TPPP2: variants seen among roughly 807,000 people sequenced by gnomAD.
The protein encoded by TPPP2 is tubulin polymerization promoting protein family member 2.
In TPPP2, 8 loss-of-function variants were observed where a neutral mutation model predicts 13.0. The observed-to-expected ratio is 0.62, with a 90% CI of 0.36 to 1.11. The LOEUF (loss-of-function observed/expected upper bound fraction) is 1.11, where lower values mean the gene tolerates loss of function less well. TPPP2 is among the 50% of genes most tolerant of loss of function. TPPP2 has a pLI of 0.02. For synonymous variants in TPPP2, 81 were observed against 81.8 expected (o/e 0.99, Z 0.05); for missense variants, 213 against 216.9 (o/e 0.98, Z 0.11).
At chr14:21,035,430 C>G (rs906793981), downstream of TPPP2, among the ~76,000 whole-genome samples, 1 of 152,214 alleles carries the variant, frequency 6.6e-6, no homozygotes, top group Non-Finnish European at 1.5e-5. Flanking sequence ...TCTTTTTCAT[C>G]AACATCTTCC....
chr14:21,030,964 T>C, intron 2 of TPPP2, 48 bp from the exon 3 acceptor site: 1 of 1,569,608 alleles, frequency 6.4e-7, no homozygotes, highest in Non-Finnish European at 8.6e-7. Flanking sequence ...CCTTGGAAGG[T>C]AATGCATTCA....
chr14:21,034,122 A>C, downstream of TPPP2: 1 of 1,614,242 alleles, frequency 6.2e-7, no homozygotes, highest in Non-Finnish European at 8.5e-7. Flanking sequence ...CATATAGGAC[A>C]TCAGACCATT....
chr14:21,032,196 AT>A lies in TPPP2; in HGVS notation c.*120del. 3.8e-6 allele frequency: 4 copies of A among 1,050,630 alleles called. No homozygotes were observed. Among genetic ancestry groups the A allele is most frequent in the Non-Finnish European group, 5.8e-6 (4 of 688,476 alleles). 65.1% of individuals were successfully genotyped at this position (1,050,630 alleles called of 1,614,324 possible). On this transcript the variant is annotated 3_prime_UTR_variant, in exon 4 of 4. Coordinates refer to ENST00000321760, the MANE Select transcript of TPPP2 (RefSeq NM_173846.5). ...CAAAATCTCTGTCTGTGAGGGACAG[AT>A]GAGCCTACTAGTGTAGAGAGAGGGA...
At chr14:21,029,599 AAAATAAATACGC>A (rs1406194093), upstream of TPPP2, among the ~76,000 whole-genome samples, 2 of 152,230 alleles carry the variant, frequency 1.3e-5, no homozygotes, top group African/African-American at 4.8e-5. Context: ...ACTCCATCTC[AAAATAAATACGC>A]AAATAAATAA....
At chr14:21,035,917 C>A, downstream of TPPP2, 1 of 441,978 alleles carries the variant, frequency 2.3e-6, no homozygotes. Flanking sequence ...TGAAACAGAC[C>A]AGGAATTGAA....
downstream of TPPP2, among the ~76,000 whole-genome samples, chr14:21,035,632 C>T (rs1566491837): frequency 6.6e-6 from 1 of 152,088 alleles, no homozygotes; most frequent in Non-Finnish European, 1.5e-5. Flanking sequence ...GCTCCAACAC[C>T]CTCAGTATAG....
upstream of TPPP2, chr14:21,029,119 G>A (rs1017074223): frequency 6.6e-6 from 1 of 152,152 alleles, no homozygotes; most frequent in East Asian, 1.9e-4. Flanking sequence ...ATACTCCAAG[G>A]CTTGCTGGGC....
downstream of TPPP2, among the ~76,000 whole-genome samples, chr14:21,035,140 G>T (rs898092799): frequency 1.3e-5 from 2 of 152,220 alleles, no homozygotes; most frequent in African/African-American, 4.8e-5. Flanking sequence ...AAAGTGCTGG[G>T]CTGAGAATCA....
chr14:21,031,520 C>G (rs561582057), intron 3 of TPPP2, among the ~76,000 whole-genome samples: 1 of 152,214 alleles, frequency 6.6e-6, no homozygotes, highest in African/African-American at 2.4e-5. Flanking sequence ...TCCTGCCTCT[C>G]ACCTACTCCC....
Position 21,031,021 on chromosome 14 carries a change from C to G in TPPP2, c.183C>G (p.Asn61Lys). The G allele has an allele frequency of 6.2e-7, 1 of 1,608,264 alleles. No individual in the cohort carries two copies. The highest frequency in any genetic ancestry group is 8.5e-7 in the Non-Finnish European group (1 of 1,177,546). The change falls in exon 3 of 4, where the codon AAC (asparagine) becomes AAG (lysine). Residue 61 changes from asparagine (N) to lysine (K), a missense_variant. Coordinates refer to ENST00000321760, the MANE Select transcript of TPPP2 (RefSeq NM_173846.5). The part of the protein sequence containing the change: ...DIVFSKVKAK[N>K]ARTITFQQFK... Reference sequence around the variant, plus strand: ...CTGTCTAACTGACCAGGGCCAAGAACGCCCGAACCATCACGTTTCAACAGT... The same window carrying G: ...CTGTCTAACTGACCAGGGCCAAGAAGGCCCGAACCATCACGTTTCAACAGT...
In TPPP2 at chr14:21,031,150, C is replaced by T; in HGVS notation, c.312C>T (p.Ala104=). ...IYGLMEGKDP[A]TTGATKATTV... ...GACTCATGGAGGGCAAAGACCCAGC[C>T]ACCACTGGCGCTACTGTGAGTGACA... Residue 104 remains alanine (A), a synonymous_variant, in exon 3 of 4, where the codon GCC becomes GCT. Coordinates refer to ENST00000321760, the MANE Select transcript of TPPP2 (RefSeq NM_173846.5). 1 of 1,613,812 alleles carries T rather than the reference C, an allele frequency of 6.2e-7. No homozygotes were observed. The highest frequency in any genetic ancestry group is 8.5e-7 in the Non-Finnish European group (1 of 1,179,904).
At chr14:21,034,202 G>C, downstream of TPPP2, 1 of 1,614,052 alleles carries the variant, frequency 6.2e-7, no homozygotes, top group Non-Finnish European at 8.5e-7. Context: ...AGAAGTTCCT[G>C]CTGCCAATCT....
At chr14:21,030,783 G>C (rs369192139) in intron 2 of TPPP2, 29 bp downstream of exon 2, 4 of 1,609,780 alleles carry the variant, frequency 2.5e-6, no homozygotes, top group Non-Finnish European at 3.4e-6. Context: ...GGAGGTGGGG[G>C]TGAGAAGAAC....
At chr14:21,033,836 A>G, downstream of TPPP2, 1 of 1,611,698 alleles carries the variant, frequency 6.2e-7, no homozygotes, top group Non-Finnish European at 8.5e-7. Context: ...CCGAATAGAG[A>G]CCAGCGATAC....
At chr14:21,026,746 C>T (rs1566482666), upstream of TPPP2, among the ~76,000 whole-genome samples, 1 of 152,038 alleles carries the variant, frequency 6.6e-6, no homozygotes, top group Non-Finnish European at 1.5e-5. Context: ...TCTCCCACTC[C>T]CTTTATAACT....
At chr14:21,025,796 G>C, upstream of TPPP2, 1 of 829,030 alleles carries the variant, frequency 1.2e-6, no homozygotes, top group Non-Finnish European at 1.5e-6. The surrounding 1 kb of genome is among the most constrained non-coding windows in gnomAD (Gnocchi z 5.1). Flanking sequence ...GAGGGCGATC[G>C]CGGGCAGGCG....
downstream of TPPP2, chr14:21,033,183 G>A (rs934146877): frequency 8.2e-6 from 3 of 365,648 alleles, no homozygotes; most frequent in Admixed American, 3.7e-5. Flanking sequence ...TTGGGAGTGT[G>A]GGGGAGACAG....
At chr14:21,034,344 G>A (rs1884472517), downstream of TPPP2, 3 of 1,301,048 alleles carry the variant, frequency 2.3e-6, no homozygotes, top group Non-Finnish European at 3.2e-6. Flanking sequence ...TGAAGTGGCT[G>A]TCTGCCACAT....
intron 2 of TPPP2, 58 bp from the exon 3 acceptor site, chr14:21,030,954 C>T: frequency 6.4e-7 from 1 of 1,560,174 alleles, no homozygotes; most frequent in Non-Finnish European, 8.7e-7. Context: ...AAGAGTTGGA[C>T]CTTGGAAGGT....
Sources: gnomAD v4.1 joint callset for allele counts (sites outside exome capture counted in the v4.1 genomes callset) on GRCh38, gnomAD v4.1.1 for gene constraint, Gnocchi (gnomAD v3.1) non-coding constraint, MANE v1.5 for transcripts, NCBI Gene and HGNC (gene_info 2026-07-23, HGNC 2026-07-21) for gene names.